The following VWF variants were observed in gnomAD, a reference collection of about 807,000 sequenced individuals.
VWF encodes von Willebrand factor.
VWF carries 176 observed loss-of-function variants against 308.6 expected under a neutral mutation model. That is an observed-to-expected ratio of 0.57 (90% CI 0.50 to 0.65). The LOEUF (loss-of-function observed/expected upper bound fraction) is 0.65. Ranked by LOEUF, VWF falls within the 30% of genes least tolerant of loss-of-function variation. The pLI is 0.00. For synonymous variants in VWF, 1,385 were observed against 1,443.4 expected, an observed-to-expected ratio of 0.96 and a Z score of 0.92; for missense variants, 3,146 against 3,648.2, an observed-to-expected ratio of 0.86 and a Z score of 3.55.
At chr12:6,006,994 A>G (rs1943936163) in intron 34 of VWF, among the ~76,000 whole-genome samples, 1 of 152,222 alleles carries the variant, frequency 6.6e-6, no homozygotes, top group Non-Finnish European at 1.5e-5. Flanking sequence ...AGAGACAAAA[A>G]AACGGACATT....
chr12:6,105,739 A>G (rs1945235917), intron 5 of VWF, among the ~76,000 whole-genome samples: 1 of 152,150 alleles, frequency 6.6e-6, no homozygotes, highest in South Asian at 2.1e-4. Context: ...CTCTGGGAAT[A>G]TACTCAAAAG....
At chr12:6,110,317 C>A in intron 5 of VWF, 57 bp downstream of exon 5, 1 of 1,577,918 alleles carries the variant, frequency 6.3e-7, no homozygotes, top group Non-Finnish European at 8.7e-7. Context: ...GGTTTATGAG[C>A]AAGGAAATAA....
At chr12:5,977,784 C>T (rs1340663773) in intron 42 of VWF, among the ~76,000 whole-genome samples, 1 of 151,216 alleles carries the variant, frequency 6.6e-6, no homozygotes. Context: ...GGGGGAGGAT[C>T]GTCTGAGCCT....
At chr12:5,983,035 G>T (rs1943625555) in intron 41 of VWF, 115 bp downstream of exon 41, 2 of 1,079,092 alleles carry the variant, frequency 1.9e-6, no homozygotes, top group Non-Finnish European at 2.8e-6. Flanking sequence ...CCCAGATTCA[G>T]CTAGGTAGAA....
rs535401453 is a variant in VWF at position 5,980,041 on chromosome 12, A to C, written c.7287+1745T>G. Reference sequence around the variant, plus strand: ...GGGCGACAGAGCGAGACTCCATCTCAAAAAAAAAAAAGAAGAACGAATGAA... The same window carrying C: ...GGGCGACAGAGCGAGACTCCATCTCCAAAAAAAAAAAGAAGAACGAATGAA... On this transcript the variant is annotated intron_variant, in intron 42 of 51. Transcript: ENST00000261405. 1.1e-3 allele frequency among the ~76,000 whole-genome samples: 135 copies of C among 120,824 alleles called. 1 individual carries two copies. Among genetic ancestry groups the C allele is most frequent in the Admixed American group, 8.9e-3 (108 of 12,070 alleles). 79.3% of individuals were successfully genotyped at this position (120,824 alleles called of 152,430 possible).
Position 5,968,184 on chromosome 12 carries a change from T to G in VWF, c.7730-17A>C. The G allele has an allele frequency of 6.2e-7, 1 of 1,613,888 alleles. No homozygotes were observed. Among genetic ancestry groups the G allele is most frequent in the Non-Finnish European group, 8.5e-7 (1 of 1,179,920 alleles). ...CCATGCGCTCTGGGGGAGAGAAAAG[T>G]GCAGAGTGAGAGTGGGCAAAACACA... On this transcript the variant is annotated splice_polypyrimidine_tract_variant and intron_variant, in intron 45 of 51. Transcript: ENST00000261405.
At position 6,073,746 on chromosome 12, in the gene VWF, A is replaced by G. The variant is rs375834307; in HGVS notation, c.875-5T>C. The G allele has an allele frequency of 6.2e-7, 1 of 1,613,856 alleles. No individual in the cohort carries two copies. The highest frequency in any genetic ancestry group is 1.1e-5 in the South Asian group (1 of 91,072). On this transcript the variant is annotated splice_region_variant and splice_polypyrimidine_tract_variant and intron_variant, in intron 7 of 51. Coordinates refer to ENST00000261405, the MANE Select transcript of VWF (RefSeq NM_000552.5). ...TACCAGCAGGGCACACTGGGCCTGA[A>G]AAGGAACATCAAAGGGGTCTACCCA...
rs759635862 is a variant in VWF, at chr12:6,013,643, C to T, written c.5458G>A (p.Val1820Met). ...CCAATTCCAATAGGGAACACTGTCA[C>T]TCCTAGAGTTAGCAAAGAGACAAGA... is the stretch of plus-strand genomic sequence containing the variant. ...AAADAARSNR[V>M]TVFPIGIGDR... Residue 1820 changes from valine to methionine, a missense_variant and splice_region_variant, in exon 32 of 52, where the codon GTG (valine) becomes ATG (methionine). Around this residue, in one of 3 missense-constraint regions of VWF, gnomAD observed 853 missense variants for 1,177.8 expected, o/e 0.72. Coordinates refer to ENST00000261405, the MANE Select transcript of VWF (RefSeq NM_000552.5). 3.7e-6 allele frequency: 6 copies of T among 1,612,920 alleles called. No individual in the cohort carries two copies. Among genetic ancestry groups the T allele is most frequent in the Middle Eastern group, 1.9e-4 (1 of 5,232 alleles).
intron 16 of VWF, among the ~76,000 whole-genome samples, chr12:6,051,013 T>TGTTCATG (rs2136447649): frequency 7.3e-6 from 1 of 136,910 alleles, no homozygotes; most frequent in East Asian, 2.3e-4. Flanking sequence ...AAGGAATTAT[T>TGTTCATG]GTTCATGTTC....
intron 3 of VWF, among the ~76,000 whole-genome samples, chr12:6,119,815 C>T (rs1945410869): frequency 6.6e-6 from 1 of 152,192 alleles, no homozygotes; most frequent in Non-Finnish European, 1.5e-5. Context: ...CACTGCACTC[C>T]AGCCTGGGCA....
intron 5 of VWF, among the ~76,000 whole-genome samples, chr12:6,106,059 A>G (rs1478675543): frequency 6.6e-6 from 1 of 152,148 alleles, no homozygotes; most frequent in African/African-American, 2.4e-5. Context: ...ATAAAGAAGA[A>G]TTGAAAGCAG....
At chr12:6,123,245 G>A (rs145526247) in intron 1 of VWF, 49 bp from the exon 2 acceptor site, 47 of 1,610,544 alleles carry the variant, frequency 2.9e-5, no homozygotes, top group African/African-American at 1.7e-4. Flanking sequence ...CCAGGTAGGC[G>A]GCTGCTGGTG....
intron 20 of VWF, among the ~76,000 whole-genome samples, chr12:6,032,793 T>C (rs1944283139): frequency 1.3e-5 from 2 of 149,548 alleles, no homozygotes; most frequent in South Asian, 2.1e-4. Flanking sequence ...AACACACATA[T>C]ACATACATCT....
intron 34 of VWF, among the ~76,000 whole-genome samples, chr12:6,004,947 G>C (rs1943910648): frequency 6.6e-6 from 1 of 152,116 alleles, no homozygotes; most frequent in African/African-American, 2.4e-5. Context: ...GGACAAACTT[G>C]TTCTTGGATA....
chr12:6,003,814 C>CTTTTT lies in VWF; in HGVS notation c.5843-7597_5843-7593dup, dbSNP rs34433330. Reference sequence around the variant, plus strand: ...AACAATGTGGATTTTCTTTCTCTCTCTTTTTTTTTTTTTTTTTTTGAGACG... The same window carrying CTTTTT: ...AACAATGTGGATTTTCTTTCTCTCTCTTTTTTTTTTTTTTTTTTTTTTTTGAGACG... On this transcript the variant is annotated intron_variant, in intron 34 of 51. Coordinates refer to ENST00000261405, the MANE Select transcript of VWF (RefSeq NM_000552.5). 3.1e-4 allele frequency among the ~76,000 whole-genome samples: 38 copies of CTTTTT among 122,790 alleles called. 1 individual carries two copies. The highest frequency in any genetic ancestry group is 5.2e-4 in the South Asian group (2 of 3,826). 80.6% of individuals were successfully genotyped at this position (122,790 alleles called of 152,430 possible).
intron 34 of VWF, among the ~76,000 whole-genome samples, chr12:6,004,207 ACCAAACAGAAT>A (rs1442158558): frequency 6.6e-6 from 1 of 152,238 alleles, no homozygotes; most frequent in Non-Finnish European, 1.5e-5. Flanking sequence ...ATAAAATATT[ACCAAACAGAAT>A]CCAACACCAC....
chr12:6,096,500 C>A (rs1237418903), intron 5 of VWF, among the ~76,000 whole-genome samples: 1 of 152,224 alleles, frequency 6.6e-6, no homozygotes, highest in African/African-American at 2.4e-5. Flanking sequence ...ATATTCATCT[C>A]CCATTCAACT....
intron 34 of VWF, among the ~76,000 whole-genome samples, chr12:6,004,161 C>G (rs1409069138): frequency 1.3e-5 from 2 of 151,806 alleles, no homozygotes; most frequent in Non-Finnish European, 2.9e-5. Context: ...AATTGCTGAC[C>G]AAAAATACTT....
At chr12:6,088,251 G>A (rs376944447) in intron 6 of VWF, among the ~76,000 whole-genome samples, 5 of 152,214 alleles carry the variant, frequency 3.3e-5, no homozygotes, top group African/African-American at 1.2e-4. Flanking sequence ...GGCCGAGGCG[G>A]GCAGATCATG....
Sources: gnomAD v4.1 joint callset for allele counts (sites outside exome capture counted in the v4.1 genomes callset) on GRCh38, gnomAD v4.1.1 for gene constraint, gnomAD v4.1.1 regional missense constraint, MANE v1.5 for transcripts, NCBI Gene and HGNC (gene_info 2026-07-23, HGNC 2026-07-21) for gene names.